The following DLGAP3 variants were observed in gnomAD, a reference collection of about 807,000 sequenced individuals.
DLGAP3 encodes the protein disks large-associated protein 3.
In DLGAP3, 17 loss-of-function variants were observed where a neutral mutation model predicts 81.2. The ratio of observed to expected loss-of-function variants is 0.21; its 90% CI spans 0.14 to 0.31. The LOEUF (loss-of-function observed/expected upper bound fraction) is 0.31, where lower values mean the gene tolerates loss of function less well. Among genes scored for constraint, DLGAP3 ranks in the 10% least tolerant of loss-of-function variants. The probability of loss-of-function intolerance (pLI) is 1.00; values close to 1 mark genes in which losing one functional copy is unlikely to be tolerated. For synonymous variants in DLGAP3, 577 were observed against 587.4 expected, an observed-to-expected ratio of 0.98 and a Z score of 0.26; for missense variants, 1,124 against 1,388.0, an observed-to-expected ratio of 0.81 and a Z score of 3.02.
chr1:34,866,038 G>A lies in DLGAP3; in HGVS notation c.*45C>T, dbSNP rs567626934. 10 of 1,517,564 alleles carry A rather than the reference G, an allele frequency of 6.6e-6. No individual in the cohort carries two copies. The highest frequency in any genetic ancestry group is 2.7e-5 in the African/African-American group (2 of 73,044). The allele number at this position is 1,517,564 out of a possible 1,614,324, so 94.0% of individuals were successfully genotyped here. On this transcript the variant is annotated 3_prime_UTR_variant, in exon 12 of 12. Coordinates refer to ENST00000373347, the MANE Select transcript of DLGAP3 (RefSeq NM_001080418.3). ...ACCTCGACGCTGGGTGTACAGTACG[G>A]GTGGAGAACCGCGGGCCCGGGCCGG...
chr1:34,908,539 A>T (rs1229691559), intron 1 of DLGAP3, among the ~76,000 whole-genome samples: 1 of 152,134 alleles, frequency 6.6e-6, no homozygotes, highest in Non-Finnish European at 1.5e-5. Flanking sequence ...AGAAAGGAAG[A>T]CGACTCTGAA....
intron 6 of DLGAP3, 123 bp downstream of exon 6, chr1:34,885,949 G>C: frequency 8.4e-7 from 1 of 1,197,492 alleles, no homozygotes; most frequent in Non-Finnish European, 1.2e-6. Flanking sequence ...CGCTCTCCCC[G>C]TCATCCGACC....
intron 8 of DLGAP3, among the ~76,000 whole-genome samples, chr1:34,876,137 G>A (rs1569601165): frequency 6.6e-6 from 1 of 152,286 alleles, no homozygotes; most frequent in Non-Finnish European, 1.5e-5. Flanking sequence ...AATATCTGTG[G>A]ACAGATGAAT....
chr1:34,865,898 G>T lies in DLGAP3; in HGVS notation c.*185C>A. ...GAGGCACGGCCCCCTGCCCAGCCCG[G>T]GCGCCTTCGCGTGGGATCAGGAAGG... On this transcript the variant is annotated 3_prime_UTR_variant, in exon 12 of 12. Transcript: ENST00000373347. 1 of 685,688 alleles carries T rather than the reference G, an allele frequency of 1.5e-6. No homozygotes were observed. 42.5% of individuals were successfully genotyped at this position (685,688 alleles called of 1,614,324 possible). A position where few individuals can be genotyped will look rare whatever the true frequency, so the allele number is the denominator to read the frequency against.
chr1:34,911,030 C>CT (rs1553124129), intron 1 of DLGAP3, among the ~76,000 whole-genome samples: 2 of 150,644 alleles, frequency 1.3e-5, no homozygotes, highest in Non-Finnish European at 3.0e-5. Flanking sequence ...CCACCCCCCC[C>CT]CCACCACCTT....
intron 1 of DLGAP3, among the ~76,000 whole-genome samples, chr1:34,912,917 TCTGACTGAGCCCCC>T (rs532451711): frequency 1.3e-5 from 2 of 152,320 alleles, no homozygotes; most frequent in East Asian, 3.9e-4. Context: ...TGCATCCATT[TCTGACTGAGCCCCC>T]CTGACTGATT....
chr1:34,885,075 G>A lies in DLGAP3; in HGVS notation c.1915-12C>T. 6.2e-7 allele frequency: 1 copy of A among 1,611,696 alleles called. No individual in the cohort carries two copies. Among genetic ancestry groups the A allele is most frequent in the Non-Finnish European group, 8.5e-7 (1 of 1,178,604 alleles). ...GAGATCGTCTCCACCTGGTGGCAGG[G>A]TGGAGGAGTCAGTGGCTGTGGCGAG... On this transcript the variant is annotated splice_polypyrimidine_tract_variant and intron_variant, in intron 7 of 11. Transcript: ENST00000373347.
At chr1:34,896,407 T>C (rs1639380868) in intron 5 of DLGAP3, among the ~76,000 whole-genome samples, 2 of 152,164 alleles carry the variant, frequency 1.3e-5, no homozygotes, top group South Asian at 2.1e-4. Context: ...GCCAACATAG[T>C]GAAACCCCGT....
rs1440437186 is a variant in DLGAP3, at chr1:34,885,525, G to A, written c.1867C>T (p.Arg623Trp). Residue 623 changes from arginine (R) to tryptophan (W), a missense_variant, in exon 7 of 12, where the codon CGG (arginine) becomes TGG (tryptophan). Around this residue, in one of 9 missense-constraint regions of DLGAP3, gnomAD observed 379 missense variants for 455.7 expected, o/e 0.83. Transcript: ENST00000373347. Reference sequence around the variant, plus strand: ...CACTTCCGCTGCCGCGCCAGGCTCCGCAGCTCCTCCCTGCCAGGGATGGTC... The same window carrying A: ...CACTTCCGCTGCCGCGCCAGGCTCCACAGCTCCTCCCTGCCAGGGATGGTC... ...IKTIPGREEL[R>W]SLARQRKWRP... 4 of 1,609,074 alleles carry A rather than the reference G, an allele frequency of 2.5e-6. No homozygotes were observed. The highest frequency in any genetic ancestry group is 3.3e-5 in the Admixed American group (2 of 60,000).
At chr1:34,907,971 A>T (rs1330841313) in intron 1 of DLGAP3, among the ~76,000 whole-genome samples, 1 of 152,216 alleles carries the variant, frequency 6.6e-6, no homozygotes, top group African/African-American at 2.4e-5. Context: ...ACTTACTCAT[A>T]TTAAGCCCCA....
Position 34,904,166 on chromosome 1 carries a change from G to A in DLGAP3, c.1107+111C>T. 1.5e-6 allele frequency: 2 copies of A among 1,344,038 alleles called. No individual in the cohort carries two copies. The highest frequency in any genetic ancestry group is 2.1e-6 in the Non-Finnish European group (2 of 949,302). 83.3% of individuals were successfully genotyped at this position (1,344,038 alleles called of 1,614,324 possible). A position where few individuals can be genotyped will look rare whatever the true frequency, so the allele number is the denominator to read the frequency against. On this transcript the variant is annotated intron_variant, in intron 3 of 11. Coordinates refer to ENST00000373347, the MANE Select transcript of DLGAP3 (RefSeq NM_001080418.3). The surrounding 1 kb of genome is among the most constrained non-coding windows in gnomAD (Gnocchi z 8.1). Reference sequence around the variant, plus strand: ...CAGGGCAGAGCCTCCCTACACCCAGGCCCTCCATCACAGGGACAGCTGGCT... The same window carrying A: ...CAGGGCAGAGCCTCCCTACACCCAGACCCTCCATCACAGGGACAGCTGGCT...
intron 8 of DLGAP3, 136 bp downstream of exon 8, chr1:34,884,842 C>A: frequency 1.4e-6 from 1 of 732,870 alleles, no homozygotes; most frequent in Non-Finnish European, 2.4e-6. Flanking sequence ...GCTGCTCTGA[C>A]CACCCTCTAT....
At chr1:34,916,433 AGT>A (rs1639716716) in intron 1 of DLGAP3, among the ~76,000 whole-genome samples, 1 of 152,160 alleles carries the variant, frequency 6.6e-6, no homozygotes. Context: ...GTCCAGACCC[AGT>A]GTTAAGCGCT....
rs527577137 is a variant in DLGAP3, at chr1:34,916,156, G to A, written c.-134-8719C>T. On this transcript the variant is annotated intron_variant, in intron 1 of 11. Transcript: ENST00000373347. ...CAGCTAAGGCATAGAGAAACAGGGA[G>A]AAACAGGGGAGAAAAGGAAGGCGAT... Among the ~76,000 whole-genome samples the A allele has an allele frequency of 7.7e-4, 118 of 152,284 alleles. 1 individual carries two copies. The highest frequency in any genetic ancestry group is 6.8e-3 in the Middle Eastern group (2 of 294).
intron 8 of DLGAP3, among the ~76,000 whole-genome samples, chr1:34,870,699 C>T (rs1008381075): frequency 1.3e-5 from 2 of 152,222 alleles, no homozygotes; most frequent in Non-Finnish European, 1.5e-5. Flanking sequence ...CATTGCCTCC[C>T]ACACAGTCTT....
intron 5 of DLGAP3, among the ~76,000 whole-genome samples, chr1:34,893,643 A>G (rs1194704350): frequency 1.3e-5 from 2 of 152,210 alleles, no homozygotes; most frequent in African/African-American, 4.8e-5. Context: ...AATAGCAAAA[A>G]GGGGGAAAAT....
chr1:34,869,576 G>T (rs1293041417), intron 8 of DLGAP3, among the ~76,000 whole-genome samples: 1 of 136,338 alleles, frequency 7.3e-6, no homozygotes. Flanking sequence ...CGCAACCTCC[G>T]CCTCCCGGGT....
rs1315601924 is a variant in DLGAP3, at chr1:34,895,283, G to C, written c.1386+4386C>G. On this transcript the variant is annotated intron_variant, in intron 5 of 11. Coordinates refer to ENST00000373347, the MANE Select transcript of DLGAP3 (RefSeq NM_001080418.3). The surrounding 1 kb of genome is among the most constrained non-coding windows in gnomAD (Gnocchi z 4.5). ...CTCCGGAGACTGAGGCAGAAGAATGGCGTGAACCCAGGAAGCGGAGCTTGC... is the reference window on the plus strand; with the variant it reads ...CTCCGGAGACTGAGGCAGAAGAATGCCGTGAACCCAGGAAGCGGAGCTTGC... 6.6e-6 allele frequency among the ~76,000 whole-genome samples: 1 copy of C among 151,708 alleles called. No individual in the cohort carries two copies. The highest frequency in any genetic ancestry group is 1.5e-5 in the Non-Finnish European group (1 of 67,950).
At position 34,900,093 on chromosome 1, in the gene DLGAP3, A is replaced by T. The variant is rs770275839; in HGVS notation, c.1288T>A (p.Ser430Thr). 1.9e-6 allele frequency: 3 copies of T among 1,613,664 alleles called. No homozygotes were observed. In the Admixed American group the frequency reaches 5.0e-5, roughly 27 times the overall value. The change falls in exon 4 of 12, where the codon TCC becomes ACC. Residue 430 changes from serine (S) to threonine (T), a missense_variant. Around this residue, in one of 9 missense-constraint regions of DLGAP3, gnomAD observed 357 missense variants for 408.8 expected, o/e 0.87. Transcript: ENST00000373347. The surrounding 1 kb of genome is among the most constrained non-coding windows in gnomAD (Gnocchi z 5.6). ...VARRFTTRRS[S>T]SVDQARINCC... The stretch of plus-strand genomic sequence containing the variant: ...TTGATCCTGGCCTGGTCCACGCTGG[A>T]GGAGCGACGGGTGGTGAAGCGTCGG...
Sources: gnomAD v4.1 joint callset for allele counts (sites outside exome capture counted in the v4.1 genomes callset) on GRCh38, gnomAD v4.1.1 for gene constraint, gnomAD v4.1.1 regional missense constraint, Gnocchi (gnomAD v3.1) non-coding constraint, MANE v1.5 for transcripts, NCBI Gene and HGNC (gene_info 2026-07-23, HGNC 2026-07-21) for gene names.